The following CDH4 variants were observed in gnomAD, a reference collection of about 807,000 sequenced individuals.
The protein encoded by CDH4 is cadherin 4.
A neutral mutation model predicts 86.0 loss-of-function variants in CDH4; 33 were observed. The observed-to-expected ratio is 0.38, with a 90% confidence interval of 0.29 to 0.51. The LOEUF (loss-of-function observed/expected upper bound fraction) is 0.51. CDH4 is among the 20% of genes least tolerant of loss of function. The pLI is 0.86. For missense variants in CDH4, 1,114 were observed against 1,307.4 expected, an observed-to-expected ratio of 0.85 and a Z score of 2.28; for synonymous variants, 555 against 549.4, an observed-to-expected ratio of 1.01 and a Z score of -0.14.
chr20:61,521,235 T>C (rs1211949724), intron 2 of CDH4, among the ~76,000 whole-genome samples: 4 of 152,148 alleles, frequency 2.6e-5, no homozygotes, highest in East Asian at 1.9e-4. Flanking sequence ...GATAGGCCCA[T>C]TGGGAGCGGG....
intron 2 of CDH4, among the ~76,000 whole-genome samples, chr20:61,348,439 G>C (rs1203692788): frequency 6.6e-6 from 1 of 152,072 alleles, no homozygotes; most frequent in African/African-American, 2.4e-5. Context: ...GATTTGGCTG[G>C]GGACATAGCC....
At chr20:61,556,955 A>G (rs1489166132) in intron 2 of CDH4, among the ~76,000 whole-genome samples, 2 of 151,956 alleles carry the variant, frequency 1.3e-5, no homozygotes, top group African/African-American at 4.8e-5. Context: ...TAGAAATGTC[A>G]CTGGAGATGG....
At chr20:61,912,099 C>A (rs1208168337) in intron 9 of CDH4, among the ~76,000 whole-genome samples, 1 of 152,164 alleles carries the variant, frequency 6.6e-6, no homozygotes, top group African/African-American at 2.4e-5. Context: ...AGAGCACCAG[C>A]CATTACGAGA....
chr20:61,735,927 C>G (rs995740615), intron 2 of CDH4, among the ~76,000 whole-genome samples: 10 of 152,204 alleles, frequency 6.6e-5, no homozygotes, highest in Non-Finnish European at 1.5e-4. Context: ...CAACAGCCTT[C>G]TAACTCAGCT....
At chr20:61,524,249 C>G (rs998950336) in intron 2 of CDH4, among the ~76,000 whole-genome samples, 4 of 152,164 alleles carry the variant, frequency 2.6e-5, no homozygotes, top group African/African-American at 9.7e-5. Flanking sequence ...ACTGGAGACA[C>G]AGTCACTCTC....
chr20:61,927,032 C>T, intron 11 of CDH4, among the ~76,000 whole-genome samples: 1 of 152,232 alleles, frequency 6.6e-6, no homozygotes, highest in Middle Eastern at 3.2e-3. Context: ...CGATCACGTG[C>T]CGTGCCATCA....
intron 9 of CDH4, among the ~76,000 whole-genome samples, chr20:61,920,991 TGTC>T (rs1288016991): frequency 3.4e-5 from 5 of 145,906 alleles, no homozygotes; most frequent in African/African-American, 1.3e-4. Flanking sequence ...GGAAGTGTGG[TGTC>T]GTGATTGCAT....
rs543132840 is a variant in CDH4 at position 61,416,052 on chromosome 20, C to T, written c.169+161115C>T. 7.4e-5 allele frequency among the ~76,000 whole-genome samples: 11 copies of T among 149,572 alleles called. No homozygotes were observed. In the East Asian group the frequency reaches 2.2e-3, roughly 30 times the overall value. On this transcript the variant is annotated intron_variant, in intron 2 of 15. Coordinates refer to ENST00000614565, the MANE Select transcript of CDH4 (RefSeq NM_001794.5). ...CCCGAAACAGAGTCTTGCTCTGTCA[C>T]CCAAGCTGGCACGATCTCAGCTCAC...
chr20:61,812,591 T>G (rs1236603525), intron 4 of CDH4, among the ~76,000 whole-genome samples: 2 of 152,056 alleles, frequency 1.3e-5, no homozygotes, highest in African/African-American at 2.4e-5. Flanking sequence ...AAACATAGTC[T>G]TAAAATTTCA....
At chr20:61,491,205 G>A (rs1055053568) in intron 2 of CDH4, among the ~76,000 whole-genome samples, 7 of 152,220 alleles carry the variant, frequency 4.6e-5, no homozygotes, top group Middle Eastern at 3.2e-3. Flanking sequence ...TAAGCCCAAA[G>A]ATAGCACACT....
chr20:61,701,949 C>G (rs181491554), intron 2 of CDH4, among the ~76,000 whole-genome samples: 1 of 152,156 alleles, frequency 6.6e-6, no homozygotes, highest in Non-Finnish European at 1.5e-5. Flanking sequence ...CACTCAGCTG[C>G]GTGAAGCCTC....
intron 2 of CDH4, among the ~76,000 whole-genome samples, chr20:61,344,634 C>T (rs757855643): frequency 1.3e-5 from 2 of 152,166 alleles, no homozygotes; most frequent in Non-Finnish European, 2.9e-5. Context: ...TTGTGTTTCC[C>T]TGTTGCTCAT....
intron 2 of CDH4, among the ~76,000 whole-genome samples, chr20:61,287,762 C>G (rs1223947388): frequency 6.6e-6 from 1 of 152,156 alleles, no homozygotes; most frequent in Non-Finnish European, 1.5e-5. Context: ...GCCAGCCACT[C>G]CCCCTAAGTG....
Position 61,565,214 on chromosome 20 carries a change from T to TTGGTGG in CDH4, c.170-178349_170-178348insTGGTGG, listed in dbSNP as rs1568688420. On this transcript the variant is annotated intron_variant, in intron 2 of 15. Transcript: ENST00000614565. Reference sequence around the variant, plus strand: ...CCTCTTGGTGGTGGTCGCGGTGCTCTCGGTGGTAGGTGGTGGTGGTGGTGG... The same window carrying TTGGTGG: ...CCTCTTGGTGGTGGTCGCGGTGCTCTTGGTGGCGGTGGTAGGTGGTGGTGGTGGTGG... 6.4e-4 allele frequency among the ~76,000 whole-genome samples: 20 copies of TTGGTGG among 31,308 alleles called. 3 individuals are homozygous for TTGGTGG. The highest frequency in any genetic ancestry group is 8.1e-4 in the African/African-American group (4 of 4,924). 20.5% of individuals were successfully genotyped at this position (31,308 alleles called of 152,430 possible).
intron 6 of CDH4, among the ~76,000 whole-genome samples, chr20:61,853,514 G>T (rs542629314): frequency 6.6e-6 from 1 of 152,252 alleles, no homozygotes; most frequent in African/African-American, 2.4e-5. Flanking sequence ...TCTGGCACCG[G>T]TGGTGGCGCC....
intron 2 of CDH4, among the ~76,000 whole-genome samples, chr20:61,283,579 T>C (rs13041339): frequency 0.54 from 69,079 of 128,808 alleles, 19,882 homozygotes; most frequent in East Asian, 0.73. Context: ...CATTTGCACG[T>C]GTGTGCTGTG....
intron 2 of CDH4, among the ~76,000 whole-genome samples, chr20:61,560,170 T>A (rs1169100974): frequency 6.6e-6 from 1 of 151,792 alleles, no homozygotes; most frequent in African/African-American, 2.4e-5. Flanking sequence ...ACCAATGTCA[T>A]CAGCATCCCA....
chr20:61,493,211 C>T (rs1282826676), intron 2 of CDH4, among the ~76,000 whole-genome samples: 2 of 152,194 alleles, frequency 1.3e-5, no homozygotes, highest in Non-Finnish European at 2.9e-5. Flanking sequence ...TGCTGTAGCC[C>T]ACACTCGCTG....
At chr20:61,530,703 A>G (rs1251873430) in intron 2 of CDH4, among the ~76,000 whole-genome samples, 1 of 152,072 alleles carries the variant, frequency 6.6e-6, no homozygotes, top group African/African-American at 2.4e-5. Flanking sequence ...AAGTAGATGG[A>G]TCTGTTACCC....
Sources: gnomAD v4.1 joint callset for allele counts (sites outside exome capture counted in the v4.1 genomes callset) on GRCh38, gnomAD v4.1.1 for gene constraint, MANE v1.5 for transcripts, NCBI Gene and HGNC (gene_info 2026-07-23, HGNC 2026-07-21) for gene names.